The following TRPC3 variants were observed in gnomAD, a reference collection of about 807,000 sequenced individuals.
TRPC3 encodes the protein transient receptor potential cation channel subfamily C member 3, also known as short transient receptor potential channel 3.
TRPC3 carries 54 observed loss-of-function variants against 90.9 expected under a neutral mutation model. The ratio of observed to expected loss-of-function variants is 0.59; its 90% CI spans 0.48 to 0.75. The LOEUF (loss-of-function observed/expected upper bound fraction) is 0.75. Among genes scored for constraint, TRPC3 ranks in the 30% least tolerant of loss-of-function variants. The probability of loss-of-function intolerance (pLI) is 0.00; values close to 1 mark genes in which losing one functional copy is unlikely to be tolerated. For synonymous variants in TRPC3, 424 were observed against 450.9 expected, an observed-to-expected ratio of 0.94 and a Z score of 0.75; for missense variants, 918 against 1,194.5, an observed-to-expected ratio of 0.77 and a Z score of 3.41.
intron 3 of TRPC3, among the ~76,000 whole-genome samples, chr4:121,921,643 A>G (rs1211628748): frequency 1.3e-5 from 2 of 151,266 alleles, no homozygotes. Flanking sequence ...ATATGAGTTT[A>G]TTATGTTATC....
intron 4 of TRPC3, among the ~76,000 whole-genome samples, chr4:121,912,556 T>C (rs1347172575): frequency 2.0e-5 from 3 of 152,236 alleles, no homozygotes; most frequent in Non-Finnish European, 4.4e-5. Flanking sequence ...AAAAAATTAC[T>C]ACTACAGAAG....
chr4:121,893,828 C>A (rs764230394), intron 10 of TRPC3, among the ~76,000 whole-genome samples: 6 of 151,928 alleles, frequency 3.9e-5, no homozygotes. Context: ...TATATGGAGA[C>A]ATAAGGATAT....
rs566228679 is a variant in TRPC3 at position 121,915,391 on chromosome 4, A to G, written c.1177-447T>C. On this transcript the variant is annotated intron_variant, in intron 3 of 11. Transcript: ENST00000379645. ...AGAAATGTGTGAAGTTTCGCGAGCA[A>G]CCCCTAAAATGCTACATACAAAAAA... Among the ~76,000 whole-genome samples the G allele has an allele frequency of 3.3e-5, 5 of 152,306 alleles. No individual in the cohort carries two copies. The South Asian group carries it at 1.0e-3, about 32-fold the overall frequency.
intron 11 of TRPC3, 141 bp from the exon 12 acceptor site, chr4:121,880,019 A>C (rs1021080635): frequency 5.8e-6 from 4 of 694,656 alleles, no homozygotes; most frequent in African/African-American, 5.7e-5. Context: ...TCTTTAAAAT[A>C]TTTAAGAAAC....
chr4:121,920,563 T>C (rs181618045), intron 3 of TRPC3, among the ~76,000 whole-genome samples: 1 of 152,274 alleles, frequency 6.6e-6, no homozygotes, highest in Admixed American at 6.5e-5. Flanking sequence ...ATGAATAATC[T>C]TCAAAATCCA....
In TRPC3 at chr4:121,951,770, C is replaced by T; in HGVS notation, c.-90G>A. On this transcript the variant is annotated 5_prime_UTR_variant, in exon 1 of 12. Coordinates refer to ENST00000379645, the MANE Select transcript of TRPC3 (RefSeq NM_001130698.2). The surrounding 1 kb of genome is among the most constrained non-coding windows in gnomAD (Gnocchi z 4.4). Reference sequence around the variant, plus strand: ...CAGTCTTCCCGCGGCGCCCCTTCACCACCTCCCGCGGCTTCCGGGGCCCCG... The same window carrying T: ...CAGTCTTCCCGCGGCGCCCCTTCACTACCTCCCGCGGCTTCCGGGGCCCCG... 1 of 1,123,698 alleles carries T rather than the reference C, an allele frequency of 8.9e-7. No individual in the cohort carries two copies. Among genetic ancestry groups the T allele is most frequent in the Non-Finnish European group, 1.2e-6 (1 of 868,422 alleles). The allele number at this position is 1,123,698 out of a possible 1,614,324, so 69.6% of individuals were successfully genotyped here.
At chr4:121,891,555 G>T (rs1459196284) in intron 10 of TRPC3, among the ~76,000 whole-genome samples, 2 of 152,168 alleles carry the variant, frequency 1.3e-5, no homozygotes, top group Admixed American at 6.5e-5. Context: ...CAATTAAAAA[G>T]TAGCAAACAC....
At chr4:121,886,490 G>A (rs919434034) in intron 10 of TRPC3, among the ~76,000 whole-genome samples, 2 of 152,146 alleles carry the variant, frequency 1.3e-5, no homozygotes, top group Admixed American at 6.5e-5. Flanking sequence ...CCATTACACA[G>A]CTTCTGTATA....
chr4:121,942,065 C>G (rs1189567637), intron 1 of TRPC3, among the ~76,000 whole-genome samples: 2 of 152,150 alleles, frequency 1.3e-5, no homozygotes, highest in Non-Finnish European at 2.9e-5. Flanking sequence ...TAAGGTGCTT[C>G]ACTGAAGAAA....
intron 1 of TRPC3, among the ~76,000 whole-genome samples, chr4:121,939,065 G>A (rs1403272606): frequency 2.0e-5 from 3 of 152,112 alleles, no homozygotes; most frequent in African/African-American, 4.8e-5. Context: ...TACTATTAAG[G>A]ACATTTGTTG....
At chr4:121,934,884 G>A (rs530418945) in intron 1 of TRPC3, among the ~76,000 whole-genome samples, 1 of 152,328 alleles carries the variant, frequency 6.6e-6, no homozygotes, top group Admixed American at 6.5e-5. Flanking sequence ...TCCCCAGAGA[G>A]GCTTGTTGAC....
chr4:121,933,874 T>C (rs1247209171), intron 1 of TRPC3, among the ~76,000 whole-genome samples: 2 of 152,196 alleles, frequency 1.3e-5, no homozygotes, highest in African/African-American at 4.8e-5. Context: ...AATTATAAAA[T>C]TTGAGCATCA....
intron 1 of TRPC3, among the ~76,000 whole-genome samples, chr4:121,948,071 C>T (rs890166464): frequency 1.3e-5 from 2 of 152,012 alleles, no homozygotes; most frequent in African/African-American, 2.4e-5. Flanking sequence ...CATGTAGTCA[C>T]ACAACTGTGT....
intron 9 of TRPC3, among the ~76,000 whole-genome samples, chr4:121,900,516 T>G (rs1728664789): frequency 1.3e-5 from 2 of 152,214 alleles, no homozygotes; most frequent in African/African-American, 4.8e-5. Context: ...TCATTTGTTC[T>G]CTTACAATTG....
In TRPC3 at chr4:121,902,961, C is replaced by A; in HGVS notation, c.2354G>T (p.Ser785Ile). Reference protein sequence around the residue: ...TLPPPFSLVPSPKSFVYFIMR... With the variant: ...TLPPPFSLVPIPKSFVYFIMR... The stretch of plus-strand genomic sequence containing the variant: ...GATGAAATAAACAAATGATTTTGGA[C>A]TAGGAACTAGACTGAAAGGTGGAGG... Residue 785 changes from serine to isoleucine, a missense_variant, in exon 9 of 12, where the codon AGT (serine) becomes ATT (isoleucine). Coordinates refer to ENST00000379645, the MANE Select transcript of TRPC3 (RefSeq NM_001130698.2). The A allele has an allele frequency of 1.2e-6, 2 of 1,613,402 alleles. No homozygotes were observed. Among genetic ancestry groups the A allele is most frequent in the Non-Finnish European group, 1.7e-6 (2 of 1,179,758 alleles).
chr4:121,894,807 T>A (rs2149111806), intron 10 of TRPC3, among the ~76,000 whole-genome samples: 1 of 152,118 alleles, frequency 6.6e-6, no homozygotes, highest in Admixed American at 6.5e-5. Flanking sequence ...TAAGCAATCC[T>A]TCTGCCTTGG....
In TRPC3 at chr4:121,903,039, T is replaced by G; in HGVS notation, c.2276A>C (p.Lys759Thr). The G allele has an allele frequency of 6.2e-7, 1 of 1,612,844 alleles. No homozygotes were observed. Among genetic ancestry groups the G allele is most frequent in the Non-Finnish European group, 8.5e-7 (1 of 1,179,548 alleles). The change falls in exon 9 of 12, where the codon AAG becomes ACG. Residue 759 changes from lysine (K) to threonine (T), a missense_variant. Coordinates refer to ENST00000379645, the MANE Select transcript of TRPC3 (RefSeq NM_001130698.2). The part of the protein sequence containing the change: ...EIEDDSDVEW[K>T]FARSKLWLSY... ...TAACCAAAGTTTTGAACGAGCAAAC[T>G]TCCATTCTACATCACTGTCATCCTG...
At position 121,914,985 on chromosome 4, in the gene TRPC3, A is replaced by C. The variant is rs200503409; in HGVS notation, c.1177-41T>G. On this transcript the variant is annotated intron_variant, in intron 3 of 11. Coordinates refer to ENST00000379645, the MANE Select transcript of TRPC3 (RefSeq NM_001130698.2). Reference sequence around the variant, plus strand: ...GAGTTTGAGAAGGGGAGAGAAAGGTAAGTTACCATACCATTGTCAATAGCT... The same window carrying C: ...GAGTTTGAGAAGGGGAGAGAAAGGTCAGTTACCATACCATTGTCAATAGCT... The C allele has an allele frequency of 3.3e-5, 50 of 1,538,100 alleles. No homozygotes were observed. In the East Asian group the frequency reaches 1.0e-3, roughly 32 times the overall value.
chr4:121,940,425 C>T (rs1229745903), intron 1 of TRPC3, among the ~76,000 whole-genome samples: 2 of 152,182 alleles, frequency 1.3e-5, no homozygotes, highest in African/African-American at 4.8e-5. Context: ...ACTTTTGTTG[C>T]AGGCAGATTA....
Sources: allele counts gnomAD v4.1 joint callset (sites outside exome capture counted in the v4.1 genomes callset), GRCh38; gene constraint gnomAD v4.1.1; non-coding constraint Gnocchi (gnomAD v3.1); transcripts MANE v1.5; gene names NCBI Gene and HGNC (gene_info 2026-07-23, HGNC 2026-07-21).